BMPER: variants seen among roughly 807,000 people sequenced by gnomAD.
The protein encoded by BMPER is BMP-binding endothelial regulator protein.
BMPER carries 45 observed loss-of-function variants against 87.3 expected under a neutral mutation model. The observed-to-expected ratio is 0.52, with a 90% CI of 0.41 to 0.66. BMPER has a LOEUF of 0.66. Ranked by LOEUF, BMPER falls within the 30% of genes least tolerant of loss-of-function variation. The pLI is 0.00. For synonymous variants in BMPER, 326 were observed against 316.2 expected, an observed-to-expected ratio of 1.03 and a Z score of -0.33; for missense variants, 784 against 867.5, an observed-to-expected ratio of 0.90 and a Z score of 1.21.
At chr7:34,138,934 G>A (rs12673887) in intron 13 of BMPER, among the ~76,000 whole-genome samples, 121,908 of 152,160 alleles carry the variant, frequency 0.8, 49,046 homozygotes, top group East Asian at 0.95. Flanking sequence ...TACTTATTCT[G>A]TAAAATGAAT....
At chr7:34,147,181 T>C (rs2127995759) in intron 14 of BMPER, among the ~76,000 whole-genome samples, 1 of 152,336 alleles carries the variant, frequency 6.6e-6, no homozygotes, top group South Asian at 2.1e-4. Context: ...CAGATGGTTC[T>C]AGCTCCTTCC....
At chr7:34,093,085 A>G (rs1301287823) in intron 13 of BMPER, among the ~76,000 whole-genome samples, 1 of 152,214 alleles carries the variant, frequency 6.6e-6, no homozygotes, top group Admixed American at 6.5e-5. Flanking sequence ...GGAATTTGCT[A>G]GAAGGAACTC....
At chr7:34,039,507 T>G (rs1031347395) in intron 6 of BMPER, among the ~76,000 whole-genome samples, 3 of 151,666 alleles carry the variant, frequency 2.0e-5, no homozygotes, top group Non-Finnish European at 4.4e-5. Flanking sequence ...CATCCTACAG[T>G]GCATAGAACA....
chr7:33,986,742 T>C (rs1786021454), intron 6 of BMPER, among the ~76,000 whole-genome samples: 1 of 152,288 alleles, frequency 6.6e-6, no homozygotes, highest in East Asian at 1.9e-4. Flanking sequence ...AATGGAAATA[T>C]TCATTAATGA....
chr7:33,999,353 A>G (rs1284609111), intron 6 of BMPER, among the ~76,000 whole-genome samples: 1 of 152,222 alleles, frequency 6.6e-6, no homozygotes, highest in African/African-American at 2.4e-5. Flanking sequence ...AATTAAACCC[A>G]ACAATTTCAA....
Position 34,153,136 on chromosome 7 carries a change from G to C in BMPER, c.1921G>C (p.Gly641Arg), listed in dbSNP as rs750677491. ...TGCTGTGTACGATACCTGTGGTCCG[G>C]GATGTATCAAGACGTGTGACAACTG... Reference protein sequence around the residue: ...HGAVYDTCGPGCIKTCDNWNE... With the variant: ...HGAVYDTCGPRCIKTCDNWNE... Residue 641 changes from glycine to arginine, a missense_variant, in exon 15 of 15, where the codon GGA becomes CGA. Coordinates refer to ENST00000649409, the MANE Select transcript of BMPER (RefSeq NM_001365308.1). The C allele has an allele frequency of 6.2e-7, 1 of 1,613,960 alleles. No homozygotes were observed. The highest frequency in any genetic ancestry group is 8.5e-7 in the Non-Finnish European group (1 of 1,179,950).
In BMPER at chr7:34,108,817, A is replaced by C. The variant is rs538928115; in HGVS notation, c.1745+22725A>C. On this transcript the variant is annotated intron_variant, in intron 13 of 14. Transcript: ENST00000649409. ...CCCCATGGATTTTTGAATGTTCCTA[A>C]ACATTAAATACTTCCTTGAATATTA... 5.3e-5 allele frequency among the ~76,000 whole-genome samples: 8 copies of C among 152,314 alleles called. No individual in the cohort carries two copies. The South Asian group carries it at 1.5e-3, about 28-fold the overall frequency.
At chr7:34,149,501 A>C (rs1250245197) in intron 14 of BMPER, among the ~76,000 whole-genome samples, 1 of 152,200 alleles carries the variant, frequency 6.6e-6, no homozygotes, top group Non-Finnish European at 1.5e-5. Context: ...AATAGATTTC[A>C]GAGGTCTCTA....
At chr7:34,091,141 A>G (rs1789369174) in intron 13 of BMPER, among the ~76,000 whole-genome samples, 2 of 152,200 alleles carry the variant, frequency 1.3e-5, no homozygotes, top group Non-Finnish European at 2.9e-5. Flanking sequence ...ATCCAGGGGA[A>G]GATCACAAAC....
intron 13 of BMPER, among the ~76,000 whole-genome samples, chr7:34,096,857 C>A (rs1392227630): frequency 6.6e-6 from 1 of 152,130 alleles, no homozygotes; most frequent in Non-Finnish European, 1.5e-5. Context: ...ATAGGCACAT[C>A]TTACCTATTA....
At chr7:33,946,246 A>G (rs940914454) in intron 3 of BMPER, among the ~76,000 whole-genome samples, 4 of 152,128 alleles carry the variant, frequency 2.6e-5, no homozygotes, top group African/African-American at 9.7e-5. Context: ...ACTGCCCCCC[A>G]TGATTCAATT....
At chr7:34,047,995 G>A (rs1031628233) in intron 7 of BMPER, among the ~76,000 whole-genome samples, 5 of 151,582 alleles carry the variant, frequency 3.3e-5, no homozygotes, top group African/African-American at 7.3e-5. Context: ...GATATTAAGC[G>A]CTCTCGTTCT....
intron 6 of BMPER, among the ~76,000 whole-genome samples, chr7:33,979,587 CT>C (rs1785790868): frequency 6.6e-6 from 1 of 152,146 alleles, no homozygotes. Flanking sequence ...CATCCTGAGA[CT>C]TCTGCCCTTC....
At chr7:34,059,173 A>G (rs1276642181) in intron 10 of BMPER, among the ~76,000 whole-genome samples, 1 of 152,212 alleles carries the variant, frequency 6.6e-6, no homozygotes, top group African/African-American at 2.4e-5. Context: ...ATGGGATCAC[A>G]TCATTATGCC....
At chr7:34,118,089 G>T (rs1192062849) in intron 13 of BMPER, among the ~76,000 whole-genome samples, 1 of 152,146 alleles carries the variant, frequency 6.6e-6, no homozygotes, top group African/African-American at 2.4e-5. Flanking sequence ...GCTGAGGCAG[G>T]CGGATTGCAA....
chr7:33,984,541 T>C (rs545125646), intron 6 of BMPER, among the ~76,000 whole-genome samples: 61 of 152,310 alleles, frequency 4.0e-4, no homozygotes, highest in African/African-American at 1.1e-3. Context: ...TTAATTGTAA[T>C]AGCTTCCTTG....
chr7:34,065,199 ACTCACTCTCTCTCTCT>A (rs1313097275), intron 11 of BMPER, among the ~76,000 whole-genome samples: 21 of 94,154 alleles, frequency 2.2e-4, no homozygotes, highest in South Asian at 1.2e-3. Flanking sequence ...ACACATACAC[ACTCACTCTCTCTCTCT>A]CTCTCTCTCT....
At chr7:34,045,656 G>A (rs959213060) in intron 6 of BMPER, among the ~76,000 whole-genome samples, 2 of 152,148 alleles carry the variant, frequency 1.3e-5, no homozygotes, top group Non-Finnish European at 2.9e-5. Flanking sequence ...GGATAGCGTG[G>A]TGAATTCAGT....
At chr7:34,060,424 A>T (rs2127964614) in intron 10 of BMPER, among the ~76,000 whole-genome samples, 1 of 152,338 alleles carries the variant, frequency 6.6e-6, no homozygotes, top group East Asian at 1.9e-4. Flanking sequence ...AAACCAAAAG[A>T]GACCCCTGTG....
Sources: gnomAD v4.1 joint callset for allele counts (sites outside exome capture counted in the v4.1 genomes callset) on GRCh38, gnomAD v4.1.1 for gene constraint, MANE v1.5 for transcripts, NCBI Gene and HGNC (gene_info 2026-07-23, HGNC 2026-07-21) for gene names.